Variants in GLIS3 observed in about 807,000 individuals in gnomAD.
GLIS3 encodes the protein GLIS family zinc finger 3.
GLIS3 carries 53 observed loss-of-function variants against 78.6 expected under a neutral mutation model. The observed-to-expected ratio is 0.67, with a 90% CI of 0.54 to 0.85. The LOEUF (loss-of-function observed/expected upper bound fraction) is 0.85. GLIS3 is among the 40% of genes least tolerant of loss of function. GLIS3 has a pLI of 0.00. For missense variants in GLIS3, 1,703 were observed against 1,231.1 expected (o/e 1.38, Z -5.74); for synonymous variants, 684 against 509.9 (o/e 1.34, Z -4.60).
At chr9:4,384,653 C>T in the GLIS3 span, among the ~76,000 whole-genome samples, 1 of 151,876 alleles carries the variant, frequency 6.6e-6, no homozygotes, top group African/African-American at 2.4e-5. Flanking sequence ...TGCCTTATCC[C>T]TAACCTAAAT....
At chr9:4,030,020 A>C (rs573249908) in intron 4 of GLIS3, among the ~76,000 whole-genome samples, 4 of 152,334 alleles carry the variant, frequency 2.6e-5, no homozygotes, top group African/African-American at 9.6e-5. Flanking sequence ...AGGAATCTCC[A>C]AACTGTTCTC....
chr9:4,259,278 T>C (rs1252432188), intron 2 of GLIS3, among the ~76,000 whole-genome samples: 1 of 151,538 alleles, frequency 6.6e-6, no homozygotes, highest in African/African-American at 2.4e-5. Context: ...TATTTATATT[T>C]TCTAAGAGGA....
intron 1 of GLIS3, among the ~76,000 whole-genome samples, chr9:4,297,116 T>C (rs1398826832): frequency 1.4e-5 from 2 of 146,994 alleles, no homozygotes; most frequent in East Asian, 2.0e-4. Context: ...GTCGATTTTG[T>C]ACCCAAAAAA....
chr9:4,405,148 A>C, the GLIS3 span, among the ~76,000 whole-genome samples: 1 of 152,092 alleles, frequency 6.6e-6, no homozygotes, highest in South Asian at 2.1e-4. Context: ...TGAGGTTGGG[A>C]GTTCGAGATC....
chr9:4,239,497 C>A (rs1823096238), intron 2 of GLIS3, among the ~76,000 whole-genome samples: 1 of 152,078 alleles, frequency 6.6e-6, no homozygotes, highest in African/African-American at 2.4e-5. Flanking sequence ...AACTCTACTT[C>A]ATCATTAATG....
chr9:4,311,628 T>A (rs959898889), intron 2 of GLIS3, among the ~76,000 whole-genome samples: 1 of 152,046 alleles, frequency 6.6e-6, no homozygotes, highest in Non-Finnish European at 1.5e-5. Context: ...ACTTCCACCA[T>A]CTGTCTTCCC....
At chr9:4,246,886 CTTA>C (rs1304005347) in intron 2 of GLIS3, among the ~76,000 whole-genome samples, 4 of 152,276 alleles carry the variant, frequency 2.6e-5, no homozygotes, top group Admixed American at 1.3e-4. Flanking sequence ...GAGATAATCT[CTTA>C]TTTTCTCCAG....
intron 9 of GLIS3, among the ~76,000 whole-genome samples, chr9:3,847,862 C>G (rs910661564): frequency 5.3e-5 from 8 of 152,194 alleles, no homozygotes; most frequent in Admixed American, 2.6e-4. Flanking sequence ...TTCTCCAAAT[C>G]TAATCATCAA....
At chr9:3,925,624 C>T (rs1000000061) in intron 6 of GLIS3, among the ~76,000 whole-genome samples, 4 of 151,994 alleles carry the variant, frequency 2.6e-5, no homozygotes, top group Admixed American at 6.6e-5. Flanking sequence ...TGTGTGTGCG[C>T]GCGATCACTG....
chr9:4,299,313 T>G (rs1255210250), intron 1 of GLIS3, 108 bp downstream of exon 1: 1 of 152,168 alleles, frequency 6.6e-6, no homozygotes, highest in African/African-American at 2.4e-5. Flanking sequence ...AGAAAACTAT[T>G]TGTAATCCCT....
chr9:4,166,686 A>G (rs188159077), intron 2 of GLIS3, among the ~76,000 whole-genome samples: 1 of 152,324 alleles, frequency 6.6e-6, no homozygotes, highest in Non-Finnish European at 1.5e-5. Context: ...GGTGTTCTAT[A>G]ATTTCACTTA....
chr9:4,193,002 C>G (rs536160873), intron 2 of GLIS3, among the ~76,000 whole-genome samples: 1 of 152,186 alleles, frequency 6.6e-6, no homozygotes, highest in African/African-American at 2.4e-5. Context: ...GATGCTGGAC[C>G]TGTGATCATG....
intron 9 of GLIS3, among the ~76,000 whole-genome samples, chr9:3,836,313 A>G (rs1322655986): frequency 6.6e-6 from 1 of 152,256 alleles, no homozygotes; most frequent in Non-Finnish European, 1.5e-5. Context: ...ATGTATATTT[A>G]TGAGCTTTAC....
At chr9:4,359,892 G>C in the GLIS3 span, among the ~76,000 whole-genome samples, 1 of 146,130 alleles carries the variant, frequency 6.8e-6, no homozygotes, top group East Asian at 1.9e-4. Flanking sequence ...TGAGATGAAT[G>C]TTAAGTATAT....
intron 4 of GLIS3, among the ~76,000 whole-genome samples, chr9:4,041,752 C>G (rs558944098): frequency 6.6e-6 from 1 of 152,262 alleles, no homozygotes; most frequent in African/African-American, 2.4e-5. Context: ...AAGATAAAAC[C>G]AGGTAGAACA....
intron 7 of GLIS3, chr9:3,898,432 G>C: frequency 7.8e-6 from 4 of 515,882 alleles, no homozygotes; most frequent in Non-Finnish European, 1.4e-5. Flanking sequence ...TGCGAGGGTT[G>C]GGTACACTGA....
intron 4 of GLIS3, among the ~76,000 whole-genome samples, chr9:4,025,629 G>A (rs148158737): frequency 0.011 from 1,655 of 152,062 alleles, 31 homozygotes; most frequent in African/African-American, 0.038. Context: ...CTTGTGATCC[G>A]CCCGTCTCAG....
rs868083371 is a variant in GLIS3 at position 4,121,285 on chromosome 9, C to A, written c.597-2404G>T. Among the ~76,000 whole-genome samples, 19 of 152,326 alleles carry A rather than the reference C, an allele frequency of 1.2e-4. No homozygotes were observed. The South Asian group carries it at 3.5e-3, about 28-fold the overall frequency. On this transcript the variant is annotated intron_variant, in intron 3 of 10. Coordinates refer to ENST00000381971, the MANE Select transcript of GLIS3 (RefSeq NM_001042413.2). ...GTTCTCTTCCCAAAGAAGTTATATA[C>A]TGTCTGCAATGTGTCTTAAATGTAG... is the stretch of plus-strand genomic sequence containing the variant.
chr9:4,447,777 A>G, the GLIS3 span, among the ~76,000 whole-genome samples: 1 of 152,156 alleles, frequency 6.6e-6, no homozygotes, highest in African/African-American at 2.4e-5. Context: ...TTTTGCCAAG[A>G]GGTTATGGAA....
Sources: allele counts gnomAD v4.1 joint callset (sites outside exome capture counted in the v4.1 genomes callset), GRCh38; gene constraint gnomAD v4.1.1; transcripts MANE v1.5; gene names NCBI Gene and HGNC (gene_info 2026-07-23, HGNC 2026-07-21).